AAK1: variants seen among roughly 807,000 people sequenced by gnomAD.
AAK1 encodes AP2-associated protein kinase 1.
AAK1 carries 37 observed loss-of-function variants against 116.0 expected under a neutral mutation model. That is an observed-to-expected ratio of 0.32 (90% CI 0.25 to 0.42). The LOEUF (loss-of-function observed/expected upper bound fraction) is 0.42, where lower values mean the gene tolerates loss of function less well. AAK1 is among the 10% of genes least tolerant of loss of function. The pLI, the probability that AAK1 is intolerant of heterozygous loss-of-function variation, is 1.00. For missense variants in AAK1, 919 were observed against 1,170.6 expected (o/e 0.79, Z 3.14); for synonymous variants, 458 against 439.9 (o/e 1.04, Z -0.51).
rs539567698 is a variant in AAK1, at chr2:69,475,782, A to T, written c.*87T>A. 3,293 of 1,501,528 alleles carry T rather than the reference A, an allele frequency of 2.2e-3. 33 individuals are homozygous for T. Among genetic ancestry groups the T allele is most frequent in the South Asian group, 0.012 (960 of 78,620 alleles). 93.0% of individuals were successfully genotyped at this position (1,501,528 alleles called of 1,614,324 possible). On this transcript the variant is annotated 3_prime_UTR_variant, in exon 22 of 22. Coordinates refer to ENST00000409085, the MANE Select transcript of AAK1 (RefSeq NM_014911.5). ...GGGCCCCTTATTTGCAGATTTTTTT[A>T]AAAAAATCATTTTTTTCATAACTCC...
chr2:69,507,698 C>T lies in AAK1; in HGVS notation c.2007-120G>A, dbSNP rs1475625977. ...TTTTCTGGGTCAAACCATCATTTTC[C>T]ACCACAGTATTTTTTTTTTTTTTTT... On this transcript the variant is annotated intron_variant, in intron 14 of 21. Coordinates refer to ENST00000409085, the MANE Select transcript of AAK1 (RefSeq NM_014911.5). 1.5e-5 allele frequency: 16 copies of T among 1,032,594 alleles called. No homozygotes were observed. In the East Asian group the frequency reaches 4.1e-4, roughly 26 times the overall value. The allele number at this position is 1,032,594 out of a possible 1,614,324, so 64.0% of individuals were successfully genotyped here.
In AAK1 at chr2:69,640,053, ACT is replaced by A. The variant is rs1177010194; in HGVS notation, c.163+2823_163+2824del. ...CACACACACACACACACACACACAC[ACT>A]CTCTCTCTCTCTCTCTCTCTCTCTC... On this transcript the variant is annotated intron_variant, in intron 2 of 21. Coordinates refer to ENST00000409085, the MANE Select transcript of AAK1 (RefSeq NM_014911.5). Among the ~76,000 whole-genome samples the A allele has an allele frequency of 4.4e-3, 410 of 92,678 alleles. 2 individuals carry two copies. The highest frequency in any genetic ancestry group is 5.9e-3 in the Middle Eastern group (1 of 170). The allele number at this position is 92,678 out of a possible 152,430, so 60.8% of individuals were successfully genotyped here.
chr2:69,600,609 T>G (rs1572996283), intron 2 of AAK1, among the ~76,000 whole-genome samples: 1 of 152,136 alleles, frequency 6.6e-6, no homozygotes, highest in South Asian at 2.1e-4. Context: ...GCAAAAAAAG[T>G]GGTTTCTTGA....
rs1038457974 is a variant in AAK1, at chr2:69,459,845, G to A, written c.*16024C>T. ...ATTTTGAAACTCTTCTTTTCCTTTA[G>A]TGATGTTTTCAGTAACAAACTTGCA... is the stretch of plus-strand genomic sequence containing the variant. On this transcript the variant is annotated 3_prime_UTR_variant, in exon 22 of 22. Transcript: ENST00000409085. The A allele has an allele frequency of 6.6e-6, 1 of 151,724 alleles. No homozygotes were observed. Among genetic ancestry groups the A allele is most frequent in the African/African-American group, 2.4e-5 (1 of 41,276 alleles). 9.4% of individuals were successfully genotyped at this position (151,724 alleles called of 1,614,324 possible).
At chr2:69,586,647 T>C (rs1436176863) in intron 2 of AAK1, among the ~76,000 whole-genome samples, 2 of 152,156 alleles carry the variant, frequency 1.3e-5, no homozygotes, top group Non-Finnish European at 2.9e-5. Context: ...GTCTGGCTTC[T>C]GAGATCTCTG....
At position 69,475,906 on chromosome 2, in the gene AAK1, C is replaced by T; in HGVS notation, c.2849G>A (p.Arg950Lys). Residue 950 changes from arginine to lysine, a missense_variant, in exon 22 of 22, where the codon AGG (arginine) becomes AAG (lysine). Arg to Lys is a conservative substitution (Grantham distance 26). Transcript: ENST00000409085. ...GAGCTGATCCACCAGCAGTAAAGACCTGGCTAGGTTGGGAAGACTGGACTC... is the reference window on the plus strand; with the variant it reads ...GAGCTGATCCACCAGCAGTAAAGACTTGGCTAGGTTGGGAAGACTGGACTC... ...SSESSLPNLA[R>K]SLLLVDQLID... is the part of the protein sequence containing the mutation. The T allele has an allele frequency of 6.2e-7, 1 of 1,612,562 alleles. No homozygotes were observed. Among genetic ancestry groups the T allele is most frequent in the East Asian group, 2.2e-5 (1 of 44,858 alleles).
chr2:69,514,713 T>C lies in AAK1; in HGVS notation c.1534A>G (p.Ile512Val), dbSNP rs1475723714. 4 of 1,607,856 alleles carry C rather than the reference T, an allele frequency of 2.5e-6. No individual in the cohort carries two copies. Among genetic ancestry groups the C allele is most frequent in the African/African-American group, 2.7e-5 (2 of 74,872 alleles). ...AVHPATQKPA[I>V]AQFPVVSQGG... ...TGGGACACCACAGGGAACTGAGCAA[T>C]TGCTGGTTTCTGGGTTGCTGGATGT... Residue 512 changes from isoleucine to valine, a missense_variant, in exon 13 of 22, where the codon ATT becomes GTT. Physicochemically the swap from Ile to Val is conservative, Grantham distance 29. Coordinates refer to ENST00000409085, the MANE Select transcript of AAK1 (RefSeq NM_014911.5).
intron 2 of AAK1, among the ~76,000 whole-genome samples, chr2:69,563,420 C>A (rs927693857): frequency 6.6e-6 from 1 of 152,226 alleles, no homozygotes; most frequent in Admixed American, 6.5e-5. Flanking sequence ...GGTGCTGAGA[C>A]AGGGTTTCTG....
At chr2:69,531,860 T>C in intron 6 of AAK1, 181 bp downstream of exon 6, 1 of 1,276,626 alleles carries the variant, frequency 7.8e-7, no homozygotes, top group Non-Finnish European at 1.0e-6. Flanking sequence ...TGTATGCCTG[T>C]AAACCCCCTC....
chr2:69,587,210 G>A (rs1672805830), intron 2 of AAK1, among the ~76,000 whole-genome samples: 1 of 150,088 alleles, frequency 6.7e-6, no homozygotes, highest in Middle Eastern at 3.5e-3. Context: ...TCAGCCTCTC[G>A]AATAGCTAGG....
intron 2 of AAK1, among the ~76,000 whole-genome samples, chr2:69,625,580 G>A (rs571482671): frequency 2.4e-4 from 36 of 152,302 alleles, no homozygotes; most frequent in African/African-American, 8.4e-4. Flanking sequence ...GAAGCAATGT[G>A]TCAGAGTACA....
At chr2:69,530,371 T>C (rs1231321462) in intron 7 of AAK1, among the ~76,000 whole-genome samples, 1 of 152,212 alleles carries the variant, frequency 6.6e-6, no homozygotes, top group Non-Finnish European at 1.5e-5. Context: ...TATTTACCTG[T>C]TTTGCTCTTA....
At position 69,473,605 on chromosome 2, in the gene AAK1, T is replaced by C. The variant is rs1005205869; in HGVS notation, c.*2264A>G. 1.0e-6 allele frequency: 1 copy of C among 984,886 alleles called. No individual in the cohort carries two copies. Among genetic ancestry groups the C allele is most frequent in the Non-Finnish European group, 1.2e-6 (1 of 829,346 alleles). 61.0% of individuals were successfully genotyped at this position (984,886 alleles called of 1,614,324 possible). A position where few individuals can be genotyped will look rare whatever the true frequency, so the allele number is the denominator to read the frequency against. On this transcript the variant is annotated 3_prime_UTR_variant, in exon 22 of 22. Transcript: ENST00000409085. ...TACTGAGCCAAATGACTAGATAATATATTTCAATGTAATTATGGGTAATAT... is the reference window on the plus strand; with the variant it reads ...TACTGAGCCAAATGACTAGATAATACATTTCAATGTAATTATGGGTAATAT...
intron 2 of AAK1, among the ~76,000 whole-genome samples, chr2:69,584,896 C>G (rs1309254905): frequency 1.3e-5 from 2 of 152,162 alleles, no homozygotes; most frequent in Non-Finnish European, 2.9e-5. Flanking sequence ...TAGAGCTTTC[C>G]ACACTCTAAA....
At chr2:69,506,081 A>C (rs1403572516) in intron 15 of AAK1, among the ~76,000 whole-genome samples, 1 of 152,190 alleles carries the variant, frequency 6.6e-6, no homozygotes, top group African/African-American at 2.4e-5. Context: ...GCAAATGAGA[A>C]GAGGGAGTGG....
chr2:69,553,891 C>T (rs1032687933), intron 3 of AAK1, among the ~76,000 whole-genome samples: 1 of 148,288 alleles, frequency 6.7e-6, no homozygotes, highest in African/African-American at 2.5e-5. Flanking sequence ...GCCTGGGCAA[C>T]ATAGCAAGAC....
At chr2:69,639,657 C>T (rs1330527373) in intron 2 of AAK1, among the ~76,000 whole-genome samples, 1 of 152,100 alleles carries the variant, frequency 6.6e-6, no homozygotes, top group Non-Finnish European at 1.5e-5. Context: ...CAGACCAATA[C>T]CCACGCTAGA....
At chr2:69,526,546 GATCC>G (rs906394588) in intron 9 of AAK1, among the ~76,000 whole-genome samples, 2 of 152,180 alleles carry the variant, frequency 1.3e-5, no homozygotes, top group Non-Finnish European at 2.9e-5. Context: ...GACCTCAGGT[GATCC>G]ATCCTCCTCG....
At chr2:69,487,817 T>G (rs1298856871) in intron 17 of AAK1, among the ~76,000 whole-genome samples, 1 of 150,132 alleles carries the variant, frequency 6.7e-6, no homozygotes, top group African/African-American at 2.4e-5. Context: ...GAGACAGAGT[T>G]TCACTCTTGT....
Sources: gnomAD v4.1 joint callset for allele counts (sites outside exome capture counted in the v4.1 genomes callset) on GRCh38, gnomAD v4.1.1 for gene constraint, MANE v1.5 for transcripts, NCBI Gene and HGNC (gene_info 2026-07-23, HGNC 2026-07-21) for gene names.